The following FBXL3 variants were observed in gnomAD, a reference collection of about 807,000 sequenced individuals.
FBXL3 encodes the protein F-box and leucine rich repeat protein 3.
In FBXL3, 14 loss-of-function variants were observed where a neutral mutation model predicts 37.9. That is an observed-to-expected ratio of 0.37 (90% confidence interval 0.24 to 0.58). FBXL3 has a LOEUF of 0.58. Ranked by LOEUF, FBXL3 falls within the 20% of genes least tolerant of loss-of-function variation. FBXL3 has a pLI of 0.74. For synonymous variants in FBXL3, 194 were observed against 180.1 expected (o/e 1.08, Z -0.62); for missense variants, 327 against 511.1 (o/e 0.64, Z 3.47).
Position 77,024,581 on chromosome 13 carries a change from T to C in FBXL3, c.-2+2246A>G, listed in dbSNP as rs2034804778. On this transcript the variant is annotated intron_variant, in intron 1 of 4. Transcript: ENST00000355619. ...TAATAGTCTTTGCTAATAAATACTT[T>C]GCTGGTCCTAAAAATAGAAACTTTC... Among the ~76,000 whole-genome samples the C allele has an allele frequency of 2.6e-5, 4 of 152,204 alleles. No individual in the cohort carries two copies. The South Asian group carries it at 8.3e-4, about 31-fold the overall frequency.
intron 4 of FBXL3, chr13:77,010,040 G>A (rs1327983040): frequency 3.9e-5 from 6 of 152,198 alleles, no homozygotes; most frequent in Non-Finnish European, 7.3e-5. Context: ...ACTCATAAGC[G>A]AGAGTTGAAC....
intron 4 of FBXL3, chr13:77,013,462 G>A (rs1566228737): frequency 6.6e-6 from 1 of 152,146 alleles, no homozygotes; most frequent in Non-Finnish European, 1.5e-5. Flanking sequence ...CATGATTATT[G>A]TAAAACCTAA....
chr13:77,006,428 C>G lies in FBXL3; in HGVS notation c.*717G>C, dbSNP rs1831215349. ...AAGTGCCACATACATAATAACATAT[C>G]ACAAAAGAATGTATATGGTTTAGCA... On this transcript the variant is annotated 3_prime_UTR_variant, in exon 5 of 5. Coordinates refer to ENST00000355619, the MANE Select transcript of FBXL3 (RefSeq NM_012158.4). 1 of 152,120 alleles carries G rather than the reference C, an allele frequency of 6.6e-6. No individual in the cohort carries two copies. The highest frequency in any genetic ancestry group is 2.4e-5 in the African/African-American group (1 of 41,424). 9.4% of individuals were successfully genotyped at this position (152,120 alleles called of 1,614,324 possible). A position where few individuals can be genotyped will look rare whatever the true frequency, so the allele number is the denominator to read the frequency against.
intron 1 of FBXL3, among the ~76,000 whole-genome samples, chr13:77,023,751 CATAA>C (rs2034790133): frequency 6.6e-6 from 1 of 152,156 alleles, no homozygotes; most frequent in Non-Finnish European, 1.5e-5. Flanking sequence ...GGCCTATCAG[CATAA>C]AAGAATTTCT....
chr13:77,007,816 A>C, intron 4 of FBXL3, 28 bp from the exon 5 acceptor site: 1 of 1,523,230 alleles, frequency 6.6e-7, no homozygotes, highest in Admixed American at 2.2e-5. Flanking sequence ...ATTATTTGCA[A>C]GTTTTTGTAA....
At chr13:77,021,381 A>T (rs1387272328) in intron 2 of FBXL3, 132 bp downstream of exon 2, 3 of 623,192 alleles carry the variant, frequency 4.8e-6, no homozygotes, top group Non-Finnish European at 8.1e-6. Flanking sequence ...TCTAAGGTAT[A>T]CAATAATTCT....
Position 77,021,658 on chromosome 13 carries a change from T to C in FBXL3, c.203A>G (p.Gln68Arg). 1 of 1,614,158 alleles carries C rather than the reference T, an allele frequency of 6.2e-7. No homozygotes were observed. The highest frequency in any genetic ancestry group is 1.6e-4 in the Middle Eastern group (1 of 6,062). ...HASQVCRNWNQVFHMPDLWRC... is the reference protein window; with the variant it reads ...HASQVCRNWNRVFHMPDLWRC... Reference sequence around the variant, plus strand: ...CCACAAGTCAGGCATGTGAAATACCTGGTTCCAGTTGCGGCAAACTTGTGA... The same window carrying C: ...CCACAAGTCAGGCATGTGAAATACCCGGTTCCAGTTGCGGCAAACTTGTGA... The change falls in exon 2 of 5, where the codon CAG (glutamine) becomes CGG (arginine). Residue 68 changes from glutamine to arginine, a missense_variant. Transcript: ENST00000355619.
At chr13:77,015,387 T>C in intron 4 of FBXL3, 22 bp downstream of exon 4, 2 of 1,494,106 alleles carry the variant, frequency 1.3e-6, no homozygotes, top group Non-Finnish European at 1.8e-6. Context: ...CTAAAATGTG[T>C]CTAGCAAAAA....
At position 77,007,712 on chromosome 13, in the gene FBXL3, C is replaced by T. The variant is rs368661553; in HGVS notation, c.720G>A (p.Leu240=). 30 of 1,613,930 alleles carry T rather than the reference C, an allele frequency of 1.9e-5. No individual in the cohort carries two copies. The highest frequency in any genetic ancestry group is 2.5e-5 in the Non-Finnish European group (29 of 1,180,004). ...GTTTTTCAGAAGACAATGCAAGTAACAACTCATCACTCAATAAGTGGTAGT... is the reference window on the plus strand; with the variant it reads ...GTTTTTCAGAAGACAATGCAAGTAATAACTCATCACTCAATAAGTGGTAGT... ...ALNYHLLSDE[L]LLALSSEKHV... Residue 240 remains leucine (L), a synonymous_variant, in exon 5 of 5, where the codon TTG becomes TTA. Transcript: ENST00000355619.
At chr13:77,018,076 T>C (rs960472712) in intron 3 of FBXL3, 1 of 152,108 alleles carries the variant, frequency 6.6e-6, no homozygotes, top group African/African-American at 2.4e-5. Flanking sequence ...AGGATCATGT[T>C]AGAATATATA....
chr13:77,026,534 C>T (rs1936625952), intron 1 of FBXL3, among the ~76,000 whole-genome samples: 1 of 152,188 alleles, frequency 6.6e-6, no homozygotes, highest in South Asian at 2.1e-4. Context: ...GGAGCCGCGG[C>T]GAACCCGGGA....
At chr13:77,014,020 A>G (rs1257153637) in intron 4 of FBXL3, 1 of 152,244 alleles carries the variant, frequency 6.6e-6, no homozygotes, top group Non-Finnish European at 1.5e-5. Context: ...AATAAAGTTC[A>G]CAGTGTTCTG....
intron 4 of FBXL3, chr13:77,012,969 T>C: frequency 6.6e-6 from 1 of 152,418 alleles, no homozygotes; most frequent in Non-Finnish European, 1.5e-5. Context: ...GAGACGGGCT[T>C]TCACCATGTT....
chr13:77,023,670 G>T lies in FBXL3; in HGVS notation c.-1-1809C>A, dbSNP rs914145713. 5.9e-5 allele frequency among the ~76,000 whole-genome samples: 9 copies of T among 152,158 alleles called. 1 individual carries two copies. Among genetic ancestry groups the T allele is most frequent in the African/African-American group, 2.2e-4 (9 of 41,432 alleles). ...TGTTTCTAGAGAACAGTTCTGGCAG[G>T]GTAGTGGTTTCGACCTAAACTTGGG... On this transcript the variant is annotated intron_variant, in intron 1 of 4. Transcript: ENST00000355619.
intron 2 of FBXL3, among the ~76,000 whole-genome samples, chr13:77,019,719 G>C (rs2034706990): frequency 6.6e-6 from 1 of 152,010 alleles, no homozygotes; most frequent in South Asian, 2.1e-4. Flanking sequence ...CACTCTTCTA[G>C]ACTAAAAATT....
intron 3 of FBXL3, chr13:77,018,373 C>T (rs147792499): frequency 5.0e-5 from 15 of 302,086 alleles, no homozygotes; most frequent in African/African-American, 9.0e-5. Flanking sequence ...TTCCTATAGA[C>T]GCCTCTGTAA....
In FBXL3 at chr13:77,015,522, A is replaced by C. The variant is rs752676139; in HGVS notation, c.530T>G (p.Leu177Arg). 6.2e-7 allele frequency: 1 copy of C among 1,606,700 alleles called. No homozygotes were observed. The highest frequency in any genetic ancestry group is 1.1e-5 in the South Asian group (1 of 89,626). Reference protein sequence around the residue: ...VFVNSKSLSSLKIDDTPVDDP... With the variant: ...VFVNSKSLSSRKIDDTPVDDP... ...ATCTACTGGAGTATCATCTATCTTA[A>C]GCGAAGACAGGGATTTGGAGTTTAC... Residue 177 changes from leucine (L) to arginine (R), a missense_variant, in exon 4 of 5, where the codon CTT (leucine) becomes CGT (arginine). By Grantham distance (102) the Leu-to-Arg change is moderately radical. Transcript: ENST00000355619.
chr13:77,008,197 C>CTAA (rs2034486520), intron 4 of FBXL3, among the ~76,000 whole-genome samples: 1 of 152,098 alleles, frequency 6.6e-6, no homozygotes, highest in African/African-American at 2.4e-5. Context: ...AGTTCAAAAC[C>CTAA]TAATCCTAAT....
chr13:77,012,775 A>C (rs776754438), intron 4 of FBXL3: 2 of 152,136 alleles, frequency 1.3e-5, no homozygotes, highest in African/African-American at 4.8e-5. Context: ...AAGTATTACA[A>C]GTGTTCTTTC....
Sources: allele counts gnomAD v4.1 joint callset (sites outside exome capture counted in the v4.1 genomes callset), GRCh38; gene constraint gnomAD v4.1.1; transcripts MANE v1.5; gene names NCBI Gene and HGNC (gene_info 2026-07-23, HGNC 2026-07-21).